Variants in ZC3H6 observed in about 807,000 individuals in gnomAD.
The protein encoded by ZC3H6 is zinc finger CCCH-type containing 6.
In ZC3H6, 40 loss-of-function variants were observed where a neutral mutation model predicts 107.7. The ratio of observed to expected loss-of-function variants is 0.37; its 90% CI spans 0.29 to 0.48. ZC3H6 has a LOEUF of 0.48. Ranked by LOEUF, ZC3H6 falls within the 20% of genes least tolerant of loss-of-function variation. The pLI, the probability that ZC3H6 is intolerant of heterozygous loss-of-function variation, is 0.98. For synonymous variants in ZC3H6, 493 were observed against 487.9 expected, an observed-to-expected ratio of 1.01 and a Z score of -0.14; for missense variants, 1,267 against 1,410.4, an observed-to-expected ratio of 0.90 and a Z score of 1.63.
chr2:112,332,424 CAG>C lies in ZC3H6; in HGVS notation c.3508_3509del (p.Asp1170Ter). On this transcript the variant is annotated frameshift_variant, in exon 12 of 12. Transcript: ENST00000409871. LOFTEE classifies it high-confidence loss of function. ...CCAGATAATGATCCCGGTAGAGAAACAGATGACAAATCTCTGAAAGAGGTTTT... is the reference window on the plus strand; with the variant it reads ...CCAGATAATGATCCCGGTAGAGAAACATGACAAATCTCTGAAAGAGGTTTT... The C allele has an allele frequency of 1.2e-6, 2 of 1,611,576 alleles. No homozygotes were observed. Among genetic ancestry groups the C allele is most frequent in the Admixed American group, 1.7e-5 (1 of 59,462 alleles).
At chr2:112,279,860 C>T (rs1301586503) in intron 1 of ZC3H6, among the ~76,000 whole-genome samples, 1 of 152,164 alleles carries the variant, frequency 6.6e-6, no homozygotes, top group Admixed American at 6.5e-5. Context: ...TATTTTCAGT[C>T]TTGCAATATT....
At chr2:112,282,009 G>A (rs545803495) in intron 1 of ZC3H6, among the ~76,000 whole-genome samples, 2 of 152,258 alleles carry the variant, frequency 1.3e-5, no homozygotes, top group East Asian at 3.9e-4. Flanking sequence ...TTGCCTGACA[G>A]AATATCTTAA....
chr2:112,331,060 A>G lies in ZC3H6; in HGVS notation c.2142A>G (p.Lys714=), dbSNP rs1307917507. 2 of 1,583,068 alleles carry G rather than the reference A, an allele frequency of 1.3e-6. No individual in the cohort carries two copies. The highest frequency in any genetic ancestry group is 4.6e-5 in the East Asian group (2 of 43,638). The part of the protein sequence containing the change: ...SSEEEEGSSV[K]SILKTLQKQT... ...AAGAGGAAGAAGGAAGCAGTGTCAA[A>G]TCAATACTGAAAACATTACAGAAAC... The change falls in exon 12 of 12, where the codon AAA becomes AAG. Residue 714 remains lysine (K), a synonymous_variant. Coordinates refer to ENST00000409871, the MANE Select transcript of ZC3H6 (RefSeq NM_198581.3).
At chr2:112,329,758 A>G (rs1676984745) in intron 11 of ZC3H6, among the ~76,000 whole-genome samples, 1 of 152,242 alleles carries the variant, frequency 6.6e-6, no homozygotes, top group South Asian at 2.1e-4. Flanking sequence ...ATATGCATAT[A>G]CAGTATATCT....
Position 112,331,263 on chromosome 2 carries a change from C to G in ZC3H6, c.2345C>G (p.Ala782Gly). The G allele has an allele frequency of 6.2e-7, 1 of 1,613,660 alleles. No individual in the cohort carries two copies. Among genetic ancestry groups the G allele is most frequent in the South Asian group, 1.1e-5 (1 of 91,058 alleles). The change falls in exon 12 of 12, where the codon GCG becomes GGG. Residue 782 changes from alanine (A) to glycine (G), a missense_variant. Transcript: ENST00000409871. ...TCTGCCCCACTGGATCTTAGACTTG[C>G]GTGGGATCCCAGGAAATTGAGAGGG... ...SESAPLDLRL[A>G]WDPRKLRGNG... is the part of the protein sequence containing the mutation.
chr2:112,308,011 G>A (rs1676509522), intron 3 of ZC3H6, among the ~76,000 whole-genome samples: 1 of 152,148 alleles, frequency 6.6e-6, no homozygotes, highest in East Asian at 1.9e-4. Context: ...TATTAATATA[G>A]TCACAGTTTT....
intron 1 of ZC3H6, among the ~76,000 whole-genome samples, chr2:112,291,034 T>G (rs1182433311): frequency 1.3e-5 from 2 of 152,244 alleles, no homozygotes; most frequent in Non-Finnish European, 2.9e-5. Context: ...CTGGTCTGTT[T>G]TTGTCTCGGA....
chr2:112,322,647 AG>A lies in ZC3H6; in HGVS notation c.1087del. ...ATAGTAATCTTTGCCAATTATTTTTAGGTGTTGAATACTGATGAAGAACTCA... is the reference window on the plus strand; with the variant it reads ...ATAGTAATCTTTGCCAATTATTTTTAGTGTTGAATACTGATGAAGAACTCA... On this transcript the variant is annotated splice_acceptor_variant, in intron 8 of 11. Coordinates refer to ENST00000409871, the MANE Select transcript of ZC3H6 (RefSeq NM_198581.3). LOFTEE classifies it high-confidence loss of function. The A allele has an allele frequency of 1.3e-6, 2 of 1,582,074 alleles. No homozygotes were observed. The highest frequency in any genetic ancestry group is 1.7e-6 in the Non-Finnish European group (2 of 1,169,384).
chr2:112,298,386 A>G (rs550725226), intron 1 of ZC3H6, among the ~76,000 whole-genome samples: 66 of 152,082 alleles, frequency 4.3e-4, no homozygotes, highest in Middle Eastern at 6.8e-3. Context: ...TTAAGCTGGC[A>G]AAAAAAACCA....
chr2:112,307,847 CAG>C (rs934522356), intron 3 of ZC3H6, among the ~76,000 whole-genome samples: 1 of 152,122 alleles, frequency 6.6e-6, no homozygotes, highest in African/African-American at 2.4e-5. Flanking sequence ...GGTAAGAACA[CAG>C]AGATTATTTT....
intron 7 of ZC3H6, among the ~76,000 whole-genome samples, chr2:112,319,139 T>C (rs1467789043): frequency 6.6e-6 from 1 of 152,222 alleles, no homozygotes; most frequent in African/African-American, 2.4e-5. Context: ...ATTTGTATAT[T>C]GACTGGTTAC....
At chr2:112,329,540 T>C (rs1396514469) in intron 11 of ZC3H6, among the ~76,000 whole-genome samples, 2 of 152,236 alleles carry the variant, frequency 1.3e-5, no homozygotes, top group African/African-American at 2.4e-5. Context: ...GTAAAACTTT[T>C]TGCAATTGTG....
intron 1 of ZC3H6, among the ~76,000 whole-genome samples, chr2:112,290,160 C>A: frequency 6.6e-6 from 1 of 152,270 alleles, no homozygotes; most frequent in Non-Finnish European, 1.5e-5. Flanking sequence ...CCCATACTGT[C>A]ACCCAACTGG....
At chr2:112,310,222 G>T in intron 4 of ZC3H6, 61 bp downstream of exon 4, 1 of 1,503,552 alleles carries the variant, frequency 6.7e-7, no homozygotes, top group East Asian at 2.3e-5. Flanking sequence ...AGGCAGCTAT[G>T]GAGTAAAAAC....
chr2:112,316,392 C>A, intron 5 of ZC3H6, 78 bp from the exon 6 acceptor site: 3 of 866,622 alleles, frequency 3.5e-6, no homozygotes, highest in South Asian at 1.6e-5. Flanking sequence ...GTACTTTTTT[C>A]CAGATCAACT....
chr2:112,302,604 ATGGAGGAGATTTG>A (rs1243599565), intron 2 of ZC3H6, among the ~76,000 whole-genome samples: 3 of 152,162 alleles, frequency 2.0e-5, no homozygotes, highest in Admixed American at 6.5e-5. Context: ...TTCTGACCAG[ATGGAGGAGATTTG>A]GTCCCATTTT....
At chr2:112,314,435 AAAAAC>A (rs1440978282) in intron 5 of ZC3H6, among the ~76,000 whole-genome samples, 11 of 152,310 alleles carry the variant, frequency 7.2e-5, no homozygotes, top group South Asian at 2.1e-4. Flanking sequence ...AACTAAACTA[AAAAAC>A]AAAACAAAAC....
chr2:112,278,383 T>C (rs1268163106), intron 1 of ZC3H6, among the ~76,000 whole-genome samples: 1 of 152,220 alleles, frequency 6.6e-6, no homozygotes, highest in African/African-American at 2.4e-5. Flanking sequence ...AGTGGCACTG[T>C]CTCAGCTCAC....
chr2:112,329,969 C>CT (rs1676993147), intron 11 of ZC3H6, among the ~76,000 whole-genome samples: 1 of 151,940 alleles, frequency 6.6e-6, no homozygotes, highest in Non-Finnish European at 1.5e-5. Flanking sequence ...GCTTCTTAAA[C>CT]TTGCATCTAA....
Sources: gnomAD v4.1 joint callset for allele counts (sites outside exome capture counted in the v4.1 genomes callset) on GRCh38, gnomAD v4.1.1 for gene constraint, MANE v1.5 for transcripts, NCBI Gene and HGNC (gene_info 2026-07-23, HGNC 2026-07-21) for gene names.